VAV3: variants seen among roughly 807,000 people sequenced by gnomAD.
VAV3 encodes guanine nucleotide exchange factor VAV3.
A neutral mutation model predicts 131.2 loss-of-function variants in VAV3; 94 were observed. That is an observed-to-expected ratio of 0.72 (90% CI 0.61 to 0.85). The LOEUF (loss-of-function observed/expected upper bound fraction) is 0.85. Among genes scored for constraint, VAV3 ranks in the 40% least tolerant of loss-of-function variants. The pLI is 0.00. For missense variants in VAV3, 939 were observed against 1,002.7 expected, an observed-to-expected ratio of 0.94 and a Z score of 0.86; for synonymous variants, 349 against 342.0, an observed-to-expected ratio of 1.02 and a Z score of -0.22.
At chr1:107,821,746 T>C (rs780320630) in intron 2 of VAV3, among the ~76,000 whole-genome samples, 5 of 152,140 alleles carry the variant, frequency 3.3e-5, no homozygotes, top group Non-Finnish European at 5.9e-5. Context: ...TCTATGGAAA[T>C]AGATTGCAGG....
In VAV3 at chr1:107,603,095, A is replaced by G; in HGVS notation, c.2084T>C (p.Leu695Pro). 2 of 1,613,678 alleles carry G rather than the reference A, an allele frequency of 1.2e-6. No homozygotes were observed. Among genetic ancestry groups the G allele is most frequent in the Non-Finnish European group, 1.7e-6 (2 of 1,179,790 alleles). Reference protein sequence around the residue: ...ELINRVNSTYLVRHRTKESGE... With the variant: ...ELINRVNSTYPVRHRTKESGE... ...TGACTCTTTGGTCCTGTGCCTCACA[A>G]GGTAAGTACTATTTACCCTATTAAT... Residue 695 changes from leucine to proline, a missense_variant, in exon 23 of 27, where the codon CTT becomes CCT. Physicochemically the swap from Leu to Pro is moderately conservative, Grantham distance 98. Transcript: ENST00000370056.
At chr1:107,861,643 CCA>C (rs1223126845) in intron 2 of VAV3, among the ~76,000 whole-genome samples, 1 of 151,518 alleles carries the variant, frequency 6.6e-6, no homozygotes, top group Non-Finnish European at 1.5e-5. Flanking sequence ...AAAATAGTGT[CCA>C]GTGTCCACCC....
chr1:107,704,899 T>A lies in VAV3; in HGVS notation c.1604+61A>T, dbSNP rs2101847985. The A allele has an allele frequency of 4.6e-6, 7 of 1,514,068 alleles. No homozygotes were observed. In the South Asian group the frequency reaches 8.0e-5, roughly 17 times the overall value. 93.8% of individuals were successfully genotyped at this position (1,514,068 alleles called of 1,614,324 possible). A position where few individuals can be genotyped will look rare whatever the true frequency, so the allele number is the denominator to read the frequency against. ...TATTGGCTAGAAGGTTAGAAAAGTCTGAAACACTTAGCAATTATATCAGTT... is the reference window on the plus strand; with the variant it reads ...TATTGGCTAGAAGGTTAGAAAAGTCAGAAACACTTAGCAATTATATCAGTT... On this transcript the variant is annotated intron_variant, in intron 16 of 26. Coordinates refer to ENST00000370056, the MANE Select transcript of VAV3 (RefSeq NM_006113.5).
At chr1:107,903,031 TAAGGACTAGG>T (rs1671942162) in intron 1 of VAV3, among the ~76,000 whole-genome samples, 1 of 152,144 alleles carries the variant, frequency 6.6e-6, no homozygotes, top group African/African-American at 2.4e-5. Context: ...GAAATAATTT[TAAGGACTAGG>T]AAGGGCTTGA....
chr1:107,658,064 A>G (rs535113070), intron 19 of VAV3, among the ~76,000 whole-genome samples: 91 of 152,356 alleles, frequency 6.0e-4, no homozygotes, highest in African/African-American at 2.0e-3. Context: ...CAATACTTCA[A>G]TATCTCTTTC....
At position 107,599,545 on chromosome 1, in the gene VAV3, G is replaced by A. The variant is rs377036828; in HGVS notation, c.2220+2852C>T. ...ACAGCATTTGGACATGGACTGTCTCGCATACATGAAAATTAGAACAAAATT... is the reference window on the plus strand; with the variant it reads ...ACAGCATTTGGACATGGACTGTCTCACATACATGAAAATTAGAACAAAATT... On this transcript the variant is annotated intron_variant, in intron 24 of 26. Transcript: ENST00000370056. Among the ~76,000 whole-genome samples, 47 of 152,148 alleles carry A rather than the reference G, an allele frequency of 3.1e-4. No individual in the cohort carries two copies. The East Asian group carries it at 7.1e-3, about 23-fold the overall frequency.
At chr1:107,733,425 G>T (rs1307073793) in intron 15 of VAV3, among the ~76,000 whole-genome samples, 1 of 152,128 alleles carries the variant, frequency 6.6e-6, no homozygotes, top group Non-Finnish European at 1.5e-5. Context: ...CAGAAGGTTG[G>T]TAATAACAAA....
chr1:107,704,933 C>T, intron 16 of VAV3, 27 bp downstream of exon 16: 4 of 1,598,538 alleles, frequency 2.5e-6, no homozygotes, highest in Non-Finnish European at 2.6e-6. Context: ...TTCCTTTAAA[C>T]TGAAAACCAG....
chr1:107,771,864 C>T lies in VAV3; in HGVS notation c.555+871G>A, dbSNP rs548617898. On this transcript the variant is annotated intron_variant, in intron 5 of 26. Coordinates refer to ENST00000370056, the MANE Select transcript of VAV3 (RefSeq NM_006113.5). ...GTCACCTAAAAATGTTCTGAAAATGCTGCCACAGATGGGCTGTCAGCCTAT... is the reference window on the plus strand; with the variant it reads ...GTCACCTAAAAATGTTCTGAAAATGTTGCCACAGATGGGCTGTCAGCCTAT... Among the ~76,000 whole-genome samples, 3 of 152,320 alleles carry T rather than the reference C, an allele frequency of 2.0e-5. No homozygotes were observed. In the South Asian group the frequency reaches 6.2e-4, roughly 32 times the overall value.
intron 2 of VAV3, among the ~76,000 whole-genome samples, chr1:107,862,286 C>T (rs920212447): frequency 6.6e-6 from 1 of 151,562 alleles, no homozygotes; most frequent in African/African-American, 2.4e-5. Context: ...CTGGTGCACA[C>T]TTCCTCTGCC....
intron 1 of VAV3, among the ~76,000 whole-genome samples, chr1:107,876,286 G>C (rs1187406145): frequency 2.6e-5 from 4 of 152,120 alleles, no homozygotes; most frequent in Admixed American, 2.6e-4. Context: ...ACAAAAGCAG[G>C]CTCTATATGG....
Position 107,572,042 on chromosome 1 carries a change from T to G in VAV3, c.*1289A>C, listed in dbSNP as rs552738260. On this transcript the variant is annotated 3_prime_UTR_variant, in exon 27 of 27. Transcript: ENST00000370056. ...CACAACTTCTGCTATGGAGGAAATATTTCCATCAGGAAAGGGCCAAGTTAG... is the reference window on the plus strand; with the variant it reads ...CACAACTTCTGCTATGGAGGAAATAGTTCCATCAGGAAAGGGCCAAGTTAG... The G allele has an allele frequency of 1.3e-5, 2 of 152,366 alleles. No homozygotes were observed. Among genetic ancestry groups the G allele is most frequent in the South Asian group, 2.1e-4 (1 of 4,830 alleles). 9.4% of individuals were successfully genotyped at this position (152,366 alleles called of 1,614,324 possible).
chr1:107,911,825 T>C (rs937190518), intron 1 of VAV3, among the ~76,000 whole-genome samples: 1 of 152,170 alleles, frequency 6.6e-6, no homozygotes, highest in Non-Finnish European at 1.5e-5. Context: ...GACCCACAAA[T>C]TTAGCACAGA....
intron 1 of VAV3, among the ~76,000 whole-genome samples, chr1:107,940,728 A>G (rs1010245339): frequency 8.5e-5 from 13 of 152,178 alleles, no homozygotes; most frequent in African/African-American, 2.9e-4. Context: ...AGCTAGTCAC[A>G]AAGGGCCAAA....
intron 17 of VAV3, among the ~76,000 whole-genome samples, chr1:107,698,859 C>T (rs752111885): frequency 7.2e-5 from 11 of 152,136 alleles, no homozygotes; most frequent in Admixed American, 1.3e-4. Flanking sequence ...GGAAAACTGC[C>T]TTATAAAACC....
intron 25 of VAV3, among the ~76,000 whole-genome samples, chr1:107,592,181 C>G (rs887239464): frequency 5.9e-5 from 9 of 151,974 alleles, no homozygotes; most frequent in Non-Finnish European, 4.4e-5. Flanking sequence ...GTTCCTCAGA[C>G]TTTTTCTTTA....
At chr1:107,787,788 A>T (rs1360436972) in intron 2 of VAV3, among the ~76,000 whole-genome samples, 2 of 152,034 alleles carry the variant, frequency 1.3e-5, no homozygotes, top group Non-Finnish European at 2.9e-5. Flanking sequence ...CATTGAGCAA[A>T]TTTTTTCTAA....
At chr1:107,866,151 T>C (rs1181565488) in intron 2 of VAV3, among the ~76,000 whole-genome samples, 1 of 152,162 alleles carries the variant, frequency 6.6e-6, no homozygotes, top group African/African-American at 2.4e-5. Flanking sequence ...CCTCAGTGTC[T>C]GCTTGGGTCT....
At chr1:107,962,893 C>A (rs1675192535) in intron 1 of VAV3, among the ~76,000 whole-genome samples, 1 of 152,188 alleles carries the variant, frequency 6.6e-6, no homozygotes, top group Non-Finnish European at 1.5e-5. Flanking sequence ...TCCTTTAGGG[C>A]AAGTATCCTG....
Sources: gnomAD v4.1 joint callset for allele counts (sites outside exome capture counted in the v4.1 genomes callset) on GRCh38, gnomAD v4.1.1 for gene constraint, MANE v1.5 for transcripts, NCBI Gene and HGNC (gene_info 2026-07-23, HGNC 2026-07-21) for gene names.